Variants in HIVEP3 observed in about 807,000 individuals in gnomAD.
HIVEP3 encodes the protein transcription factor HIVEP3.
Under a neutral mutation model 152.8 loss-of-function variants are expected in HIVEP3, and 49 were observed. The ratio of observed to expected loss-of-function variants is 0.32; its 90% confidence interval spans 0.26 to 0.41. HIVEP3 has a LOEUF of 0.41. Among genes scored for constraint, HIVEP3 ranks in the 10% least tolerant of loss-of-function variants. The pLI, the probability that HIVEP3 is intolerant of heterozygous loss-of-function variation, is 1.00. For synonymous variants in HIVEP3, 1,269 were observed against 1,289.0 expected (o/e 0.98, Z 0.33); for missense variants, 2,790 against 3,103.3 (o/e 0.90, Z 2.40).
intron 1 of HIVEP3, among the ~76,000 whole-genome samples, chr1:41,999,411 G>A (rs1218154171): frequency 6.6e-6 from 1 of 152,156 alleles, no homozygotes; most frequent in Non-Finnish European, 1.5e-5. Context: ...AGATACAGGT[G>A]ATTTTAATGG....
chr1:41,835,499 T>C lies in HIVEP3; in HGVS notation c.-801+82914A>G, dbSNP rs76291407. ...ATATCCAAAAGGTGCTATTTCCAAG[T>C]ACACTCACACTGGGAGTTAGGGCTT... On this transcript the variant is annotated intron_variant, in intron 1 of 8. Transcript: ENST00000372583. 1.1e-3 allele frequency among the ~76,000 whole-genome samples: 170 copies of C among 152,326 alleles called. 4 individuals are homozygous for C. In the East Asian group the frequency reaches 0.027, roughly 24 times the overall value.
intron 2 of HIVEP3, among the ~76,000 whole-genome samples, chr1:41,678,714 C>T (rs76837518): frequency 0.014 from 2,146 of 149,962 alleles, 52 homozygotes; most frequent in East Asian, 0.11. Context: ...GTGACTGTGA[C>T]GACTGCCCTA....
At chr1:41,560,097 C>T (rs529228806) in intron 5 of HIVEP3, among the ~76,000 whole-genome samples, 1 of 152,206 alleles carries the variant, frequency 6.6e-6, no homozygotes, top group South Asian at 2.1e-4. Context: ...TTATTATTTG[C>T]CTGAAGAGGC....
chr1:41,992,549 A>G (rs1570875095), intron 1 of HIVEP3, among the ~76,000 whole-genome samples: 1 of 149,522 alleles, frequency 6.7e-6, no homozygotes, highest in East Asian at 1.9e-4. Flanking sequence ...GGAAGAATCA[A>G]TATCATGAAA....
intron 1 of HIVEP3, among the ~76,000 whole-genome samples, chr1:41,977,667 G>A (rs1032107440): frequency 3.9e-5 from 6 of 152,238 alleles, no homozygotes; most frequent in African/African-American, 7.2e-5. Context: ...TCCTTGAAAA[G>A]CTGCAACATA....
intron 1 of HIVEP3, among the ~76,000 whole-genome samples, chr1:41,881,600 C>T (rs879855782): frequency 6.6e-6 from 1 of 152,128 alleles, no homozygotes; most frequent in Non-Finnish European, 1.5e-5. Context: ...ATATAGCACA[C>T]TAAATATAAA....
At chr1:41,694,482 A>G (rs1646243544) in intron 2 of HIVEP3, among the ~76,000 whole-genome samples, 1 of 152,248 alleles carries the variant, frequency 6.6e-6, no homozygotes, top group Non-Finnish European at 1.5e-5. Context: ...TGAATGAAAG[A>G]CATCCTCCTG....
intron 1 of HIVEP3, among the ~76,000 whole-genome samples, chr1:42,014,571 T>G (rs929536123): frequency 6.6e-6 from 1 of 152,082 alleles, no homozygotes; most frequent in Non-Finnish European, 1.5e-5. Flanking sequence ...CACAAAGAAA[T>G]AACCTCCTCT....
chr1:42,013,173 T>C (rs1369881302), intron 1 of HIVEP3, among the ~76,000 whole-genome samples: 5 of 152,216 alleles, frequency 3.3e-5, no homozygotes, highest in East Asian at 1.9e-4. Context: ...TGTCTCTTCA[T>C]ACTATCTTCT....
chr1:41,785,125 C>A (rs1649272612), intron 1 of HIVEP3, among the ~76,000 whole-genome samples: 1 of 152,188 alleles, frequency 6.6e-6, no homozygotes, highest in Non-Finnish European at 1.5e-5. Flanking sequence ...CTCTCTTTCC[C>A]CTCCTCAAAC....
At chr1:41,600,453 C>A (rs772743083) in intron 3 of HIVEP3, among the ~76,000 whole-genome samples, 4 of 152,092 alleles carry the variant, frequency 2.6e-5, no homozygotes, top group Non-Finnish European at 5.9e-5. Flanking sequence ...GATAAGCCAG[C>A]CACAAATGAA....
chr1:41,855,855 G>C (rs1199443964), intron 1 of HIVEP3, among the ~76,000 whole-genome samples: 4 of 152,212 alleles, frequency 2.6e-5, no homozygotes, highest in Non-Finnish European at 4.4e-5. Context: ...GACAATAGGA[G>C]TCACTGGAAG....
intron 2 of HIVEP3, among the ~76,000 whole-genome samples, chr1:41,694,560 C>A (rs1010052700): frequency 6.6e-6 from 1 of 152,120 alleles, no homozygotes. Flanking sequence ...CATTAGAAAA[C>A]AAAATATTTG....
In HIVEP3 at chr1:41,713,618, C is replaced by T. The variant is rs368751867; in HGVS notation, c.-800-12623G>A. Among the ~76,000 whole-genome samples the T allele has an allele frequency of 7.2e-5, 11 of 152,280 alleles. No individual in the cohort carries two copies. In the East Asian group the frequency reaches 1.9e-3, roughly 27 times the overall value. On this transcript the variant is annotated intron_variant, in intron 1 of 8. Transcript: ENST00000372583. ...TCCATTATGGAATCATAGGTGGAGA[C>T]AAGAGTCTATTAAATTTGTAACCTG...
chr1:41,998,887 C>CTTTTTTTTTTTTTTTTTT (rs1184823372), intron 1 of HIVEP3, among the ~76,000 whole-genome samples: 1 of 77,312 alleles, frequency 1.3e-5, no homozygotes, highest in African/African-American at 6.0e-5. Context: ...TTTTCTCTCT[C>CTTTTTTTTTTTTTTTTTT]TCTTTTTTTT....
At chr1:41,930,044 T>C (rs980759488) in intron 1 of HIVEP3, among the ~76,000 whole-genome samples, 1 of 152,142 alleles carries the variant, frequency 6.6e-6, no homozygotes, top group South Asian at 2.1e-4. Context: ...GTCAGCTCCC[T>C]TCTTCCTCAT....
intron 2 of HIVEP3, among the ~76,000 whole-genome samples, chr1:41,696,039 G>A (rs1646268913): frequency 6.6e-6 from 1 of 152,170 alleles, no homozygotes; most frequent in Non-Finnish European, 1.5e-5. Flanking sequence ...CTATCAGACA[G>A]GAATACTGCC....
intron 5 of HIVEP3, among the ~76,000 whole-genome samples, chr1:41,539,901 A>G (rs1643486575): frequency 6.6e-6 from 1 of 152,270 alleles, no homozygotes; most frequent in South Asian, 2.1e-4. Flanking sequence ...CACTTTTTAC[A>G]GAAATTATAT....
intron 1 of HIVEP3, among the ~76,000 whole-genome samples, chr1:41,735,131 C>T (rs11210518): frequency 0.11 from 16,901 of 152,224 alleles, 2,515 homozygotes; most frequent in African/African-American, 0.33. Flanking sequence ...ATTATCATCT[C>T]CATTTCACAG....
Sources: allele counts gnomAD v4.1 joint callset (sites outside exome capture counted in the v4.1 genomes callset), GRCh38; gene constraint gnomAD v4.1.1; transcripts MANE v1.5; gene names NCBI Gene and HGNC (gene_info 2026-07-23, HGNC 2026-07-21).